MUSK: variants seen among roughly 807,000 people sequenced by gnomAD.
MUSK encodes the protein muscle associated receptor tyrosine kinase.
MUSK carries 55 observed loss-of-function variants against 88.7 expected under a neutral mutation model. The observed-to-expected ratio is 0.62, with a 90% confidence interval of 0.50 to 0.78. MUSK has a LOEUF of 0.78. MUSK is among the 30% of genes least tolerant of loss of function. The pLI is 0.00. For missense variants in MUSK, 1,015 were observed against 1,074.3 expected, an observed-to-expected ratio of 0.94 and a Z score of 0.77; for synonymous variants, 387 against 391.9, an observed-to-expected ratio of 0.99 and a Z score of 0.15.
chr9:110,740,840 T>G (rs1006144955), intron 6 of MUSK, among the ~76,000 whole-genome samples: 9 of 152,130 alleles, frequency 5.9e-5, no homozygotes, highest in African/African-American at 2.2e-4. Flanking sequence ...TTCAAAGGCG[T>G]CTCGACATGG....
intron 6 of MUSK, among the ~76,000 whole-genome samples, chr9:110,745,460 A>G (rs1003941326): frequency 1.3e-5 from 2 of 152,232 alleles, no homozygotes; most frequent in African/African-American, 4.8e-5. Context: ...CTGGAAAGAG[A>G]TATATAAACA....
intron 13 of MUSK, among the ~76,000 whole-genome samples, chr9:110,787,026 T>C (rs1232761409): frequency 6.6e-6 from 1 of 152,152 alleles, no homozygotes; most frequent in African/African-American, 2.4e-5. Flanking sequence ...GAGTAAGCCA[T>C]AGTTCCTACG....
At chr9:110,778,828 C>T (rs1304159336) in intron 11 of MUSK, among the ~76,000 whole-genome samples, 1 of 152,042 alleles carries the variant, frequency 6.6e-6, no homozygotes, top group East Asian at 1.9e-4. Context: ...TTAACTGATT[C>T]ATTCTTGAAT....
At chr9:110,755,068 T>G (rs2077294052) in intron 7 of MUSK, among the ~76,000 whole-genome samples, 1 of 152,220 alleles carries the variant, frequency 6.6e-6, no homozygotes, top group Non-Finnish European at 1.5e-5. Context: ...TAAATAGATA[T>G]AACATTTATA....
At chr9:110,743,329 C>G (rs1279001104) in intron 6 of MUSK, among the ~76,000 whole-genome samples, 3 of 152,174 alleles carry the variant, frequency 2.0e-5, no homozygotes, top group African/African-American at 7.2e-5. Context: ...TTGTGGAAAT[C>G]TGAATTCACA....
intron 5 of MUSK, among the ~76,000 whole-genome samples, chr9:110,731,500 T>C (rs2076962679): frequency 6.6e-6 from 1 of 151,990 alleles, no homozygotes; most frequent in South Asian, 2.1e-4. Flanking sequence ...AAAAGGGGGT[T>C]GAGTTTCTAT....
chr9:110,720,369 A>C lies in MUSK; in HGVS notation c.629-13882A>C, dbSNP rs556832519. On this transcript the variant is annotated intron_variant, in intron 5 of 14. Transcript: ENST00000374448. Reference sequence around the variant, plus strand: ...GCTAGATTAACCAAGAAAAGAAGACAGAAAATTCAAATAAGCTTTATTAGA... The same window carrying C: ...GCTAGATTAACCAAGAAAAGAAGACCGAAAATTCAAATAAGCTTTATTAGA... Among the ~76,000 whole-genome samples, 24 of 152,288 alleles carry C rather than the reference A, an allele frequency of 1.6e-4. 1 individual carries two copies. In the South Asian group the frequency reaches 4.3e-3, roughly 28 times the overall value.
At chr9:110,778,930 C>T (rs1216827567) in intron 11 of MUSK, among the ~76,000 whole-genome samples, 1 of 151,830 alleles carries the variant, frequency 6.6e-6, no homozygotes, top group African/African-American at 2.4e-5. Flanking sequence ...TTTAAATCAC[C>T]CAGGCCACTT....
At chr9:110,768,165 T>A (rs750173541) in intron 9 of MUSK, 82 bp downstream of exon 9, 29 of 1,333,892 alleles carry the variant, frequency 2.2e-5, no homozygotes, top group Middle Eastern at 4.2e-4. Context: ...AATGTTGTAA[T>A]ATGCAACAGT....
intron 5 of MUSK, among the ~76,000 whole-genome samples, 184 bp downstream of exon 5, chr9:110,697,650 T>A (rs1215361532): frequency 6.6e-6 from 1 of 152,042 alleles, no homozygotes; most frequent in African/African-American, 2.4e-5. Flanking sequence ...AGAAAGAAAT[T>A]TTCACTAGTA....
intron 5 of MUSK, 41 bp downstream of exon 5, chr9:110,697,507 G>T (rs370795070): frequency 6.3e-7 from 1 of 1,590,202 alleles, no homozygotes; most frequent in Admixed American, 1.7e-5. Context: ...GTGACCAGGG[G>T]CCTCACTGTC....
At chr9:110,682,413 C>T (rs1248874530) in intron 1 of MUSK, among the ~76,000 whole-genome samples, 6 of 151,780 alleles carry the variant, frequency 4.0e-5, no homozygotes, top group Non-Finnish European at 5.9e-5. Context: ...ACTTGGGCCC[C>T]ATAAAACTTG....
chr9:110,757,086 A>G (rs2077335179), intron 7 of MUSK, among the ~76,000 whole-genome samples: 1 of 152,180 alleles, frequency 6.6e-6, no homozygotes, highest in Non-Finnish European at 1.5e-5. Context: ...AACTTCTAAA[A>G]CCAGTTTGCC....
At chr9:110,740,439 G>T (rs72756520) in intron 6 of MUSK, among the ~76,000 whole-genome samples, 1 of 152,074 alleles carries the variant, frequency 6.6e-6, no homozygotes, top group African/African-American at 2.4e-5. Flanking sequence ...TGCCTACAAT[G>T]ATGAGCGCCA....
At chr9:110,780,899 C>T (rs1391915461) in intron 11 of MUSK, among the ~76,000 whole-genome samples, 2 of 152,154 alleles carry the variant, frequency 1.3e-5, no homozygotes, top group African/African-American at 4.8e-5. Context: ...TGATGGGAAT[C>T]TTTATCCCAT....
In MUSK at chr9:110,802,301, A is replaced by G. The variant is rs561300404; in HGVS notation, c.*1313A>G. On this transcript the variant is annotated 3_prime_UTR_variant, in exon 15 of 15. Transcript: ENST00000374448. ...TTCTCAGTGGATCCTCACACAATAC[A>G]TCTTTATCTAAGTCCATACATGATC... is the stretch of plus-strand genomic sequence containing the variant. Among the ~76,000 whole-genome samples the G allele has an allele frequency of 2.6e-5, 4 of 152,238 alleles. No individual in the cohort carries two copies. The South Asian group carries it at 8.3e-4, about 32-fold the overall frequency.
intron 6 of MUSK, among the ~76,000 whole-genome samples, chr9:110,743,044 A>G (rs564822571): frequency 1.3e-5 from 2 of 152,372 alleles, no homozygotes; most frequent in African/African-American, 4.8e-5. Context: ...AACAAAGACG[A>G]ACGCAGAGCT....
intron 1 of MUSK, among the ~76,000 whole-genome samples, chr9:110,681,211 T>C (rs190728155): frequency 7.9e-6 from 1 of 126,842 alleles, no homozygotes; most frequent in Admixed American, 1.0e-4. Context: ...TATATTATAA[T>C]GATTATTCTG....
chr9:110,714,846 A>T (rs2076724810), intron 5 of MUSK, among the ~76,000 whole-genome samples: 1 of 152,164 alleles, frequency 6.6e-6, no homozygotes, highest in Non-Finnish European at 1.5e-5. Context: ...TCTCCAACTC[A>T]GTTATTCTTA....
Sources: gnomAD v4.1 joint callset for allele counts (sites outside exome capture counted in the v4.1 genomes callset) on GRCh38, gnomAD v4.1.1 for gene constraint, MANE v1.5 for transcripts, NCBI Gene and HGNC (gene_info 2026-07-23, HGNC 2026-07-21) for gene names.